RYR2: variants seen among roughly 807,000 people sequenced by gnomAD.
RYR2 encodes the protein ryanodine receptor 2.
In RYR2, 227 loss-of-function variants were observed where a neutral mutation model predicts 601.1. The observed-to-expected ratio is 0.38, with a 90% CI of 0.34 to 0.42. The LOEUF is 0.42. Ranked by LOEUF, RYR2 falls within the 10% of genes least tolerant of loss-of-function variation. RYR2 has a pLI of 1.00. For synonymous variants in RYR2, 2,223 were observed against 2,175.1 expected (o/e 1.02, Z -0.61); for missense variants, 4,646 against 6,156.5 (o/e 0.75, Z 8.21).
intron 1 of RYR2, among the ~76,000 whole-genome samples, chr1:237,264,324 C>T (rs1311704626): frequency 1.3e-5 from 2 of 152,118 alleles, no homozygotes; most frequent in East Asian, 3.9e-4. Context: ...AGTGTGAGGT[C>T]CCTAGGCATC....
chr1:237,392,152 G>A (rs534442602), intron 10 of RYR2, among the ~76,000 whole-genome samples: 5 of 152,222 alleles, frequency 3.3e-5, no homozygotes, highest in African/African-American at 9.6e-5. Context: ...TCTTCAATTA[G>A]TGAGATAGAA....
intron 1 of RYR2, among the ~76,000 whole-genome samples, chr1:237,171,509 C>T (rs1572088333): frequency 6.6e-6 from 1 of 152,130 alleles, no homozygotes; most frequent in East Asian, 1.9e-4. Flanking sequence ...TTTAATCTCA[C>T]TTCTGTATAC....
chr1:237,105,017 G>A lies in RYR2; in HGVS notation c.48+62448G>A, dbSNP rs143114360. Among the ~76,000 whole-genome samples the A allele has an allele frequency of 2.2e-3, 334 of 152,344 alleles. 2 individuals carry two copies. The highest frequency in any genetic ancestry group is 3.8e-3 in the Non-Finnish European group (260 of 68,040). ...CAGACTGTCAGGGAGAAATTTCAGT[G>A]CAGAAAGGCCTTCTAGAACCTCACG... On this transcript the variant is annotated intron_variant, in intron 1 of 104. Coordinates refer to ENST00000366574, the MANE Select transcript of RYR2 (RefSeq NM_001035.3).
chr1:237,388,072 T>G lies in RYR2; in HGVS notation c.677-15T>G, dbSNP rs1444505709. The G allele has an allele frequency of 6.2e-7, 1 of 1,611,750 alleles. No individual in the cohort carries two copies. Among genetic ancestry groups the G allele is most frequent in the Non-Finnish European group, 8.5e-7 (1 of 1,178,398 alleles). ...CACTGACAGTCCAGACCTGAATGAT[T>G]TTTTATCCTTACAGGGTATCTCATT... On this transcript the variant is annotated splice_polypyrimidine_tract_variant and intron_variant, in intron 9 of 104. Transcript: ENST00000366574.
intron 67 of RYR2, among the ~76,000 whole-genome samples, chr1:237,705,662 C>T (rs751118546): frequency 4.6e-5 from 7 of 152,046 alleles, no homozygotes; most frequent in Non-Finnish European, 8.8e-5. Flanking sequence ...GAGGGAGTAT[C>T]GCAGCCTAGA....
chr1:237,330,734 A>G, intron 2 of RYR2, 144 bp from the exon 3 acceptor site: 1 of 698,154 alleles, frequency 1.4e-6, no homozygotes, highest in Non-Finnish European at 2.6e-6. Context: ...GAGTAATGAC[A>G]GTGTTTCTTG....
chr1:237,065,050 T>G (rs985039316), intron 1 of RYR2, among the ~76,000 whole-genome samples: 6 of 152,208 alleles, frequency 3.9e-5, no homozygotes, highest in South Asian at 2.1e-4. Flanking sequence ...CTTTTTAGGT[T>G]GAAATAATGA....
At chr1:237,202,941 T>C (rs1470140206) in intron 1 of RYR2, among the ~76,000 whole-genome samples, 2 of 152,152 alleles carry the variant, frequency 1.3e-5, no homozygotes, top group Non-Finnish European at 2.9e-5. Flanking sequence ...TAGAAACAAC[T>C]TTCTAAAGTA....
chr1:237,678,562 A>G (rs1685599345), intron 61 of RYR2, among the ~76,000 whole-genome samples: 1 of 152,232 alleles, frequency 6.6e-6, no homozygotes, highest in African/African-American at 2.4e-5. Context: ...ATGGAAGATC[A>G]GAGAGGATAA....
At chr1:237,782,789 T>TATC (rs1453056425) in intron 89 of RYR2, among the ~76,000 whole-genome samples, 1 of 152,204 alleles carries the variant, frequency 6.6e-6, no homozygotes, top group Admixed American at 6.5e-5. Context: ...ATGGTAATAT[T>TATC]ATCTCAAGTT....
Position 237,641,471 on chromosome 1 carries a change from GTCTTTCTTTCTTTCTTTCTTTCTT to G in RYR2, c.7221+503_7221+526del, listed in dbSNP as rs796832994. ...AGACCATATAAATTAGTGTCTGTCT[GTCTTTCTTTCTTTCTTTCTTTCTT>G]TCTTTCTTTCTTTCTTTCTTTCTTT... On this transcript the variant is annotated intron_variant, in intron 47 of 104. Coordinates refer to ENST00000366574, the MANE Select transcript of RYR2 (RefSeq NM_001035.3). Among the ~76,000 whole-genome samples, 5 of 108,708 alleles carry G rather than the reference GTCTTTCTTTCTTTCTTTCTTTCTT, an allele frequency of 4.6e-5. No homozygotes were observed. In the East Asian group the frequency reaches 1.1e-3, roughly 24 times the overall value. The allele number at this position is 108,708 out of a possible 152,430, so 71.3% of individuals were successfully genotyped here.
At position 237,793,943 on chromosome 1, in the gene RYR2, A is replaced by C. The variant is rs1658768457; in HGVS notation, c.13859A>C (p.Gln4620Pro). Residue 4620 changes from glutamine (Q) to proline (P), a missense_variant, in exon 95 of 105, where the codon CAG (glutamine) becomes CCG (proline). This residue lies in a region of RYR2 where 37 missense variants were observed against 102.8 expected (regional missense o/e 0.36). Transcript: ENST00000366574. ...TTTGATGGGCTTTATATTACAGAAC[A>C]GCCTTCAGAAGATGATATTAAAGGC... ...LEFDGLYITE[Q>P]PSEDDIKGQW... is the part of the protein sequence containing the mutation. 1 of 1,611,552 alleles carries C rather than the reference A, an allele frequency of 6.2e-7. No individual in the cohort carries two copies. The highest frequency in any genetic ancestry group is 8.5e-7 in the Non-Finnish European group (1 of 1,177,942).
chr1:237,815,170 C>A (rs138829136), intron 100 of RYR2, among the ~76,000 whole-genome samples: 10 of 152,164 alleles, frequency 6.6e-5, no homozygotes, highest in African/African-American at 2.4e-4. Flanking sequence ...GGACCAGGCA[C>A]CTTCCTTCCT....
chr1:237,284,871 T>G (rs573292639), intron 2 of RYR2, among the ~76,000 whole-genome samples: 1 of 152,202 alleles, frequency 6.6e-6, no homozygotes, highest in African/African-American at 2.4e-5. Context: ...TTTGTGTACA[T>G]TGATCTTGTA....
intron 14 of RYR2, among the ~76,000 whole-genome samples, chr1:237,453,266 T>C (rs1658420399): frequency 6.6e-6 from 1 of 152,092 alleles, no homozygotes; most frequent in African/African-American, 2.4e-5. Context: ...ATATAATTGG[T>C]ATAGAATTTC....
At chr1:237,414,700 T>C (rs555943777) in intron 10 of RYR2, among the ~76,000 whole-genome samples, 29 of 152,334 alleles carry the variant, frequency 1.9e-4, no homozygotes, top group Non-Finnish European at 3.4e-4. Flanking sequence ...TCCTCTCTTC[T>C]AGCTATTTGA....
chr1:237,567,810 T>C (rs1425742171), intron 28 of RYR2, among the ~76,000 whole-genome samples: 1 of 152,024 alleles, frequency 6.6e-6, no homozygotes, highest in Non-Finnish European at 1.5e-5. Flanking sequence ...CATGAAGAGA[T>C]TTGACGTTTG....
intron 35 of RYR2, among the ~76,000 whole-genome samples, chr1:237,605,866 T>C (rs1677066145): frequency 6.6e-6 from 1 of 151,486 alleles, no homozygotes. Context: ...ACAAGGGATG[T>C]GAAGGACCTC....
chr1:237,582,420 A>T (rs12126701), intron 29 of RYR2, among the ~76,000 whole-genome samples: 41,010 of 132,338 alleles, frequency 0.31, 5,969 homozygotes, highest in East Asian at 0.64. Context: ...AGCATTCTTT[A>T]AAAAAAAAAA....
Sources: allele counts gnomAD v4.1 joint callset (sites outside exome capture counted in the v4.1 genomes callset), GRCh38; gene constraint gnomAD v4.1.1; regional missense constraint gnomAD v4.1.1; transcripts MANE v1.5; gene names NCBI Gene and HGNC (gene_info 2026-07-23, HGNC 2026-07-21).